CNBD1: variants seen among roughly 807,000 people sequenced by gnomAD.
CNBD1 encodes the protein cyclic nucleotide binding domain containing 1.
A neutral mutation model predicts 54.4 loss-of-function variants in CNBD1; 71 were observed. The ratio of observed to expected loss-of-function variants is 1.30; its 90% confidence interval spans 1.08 to 1.59. The LOEUF (loss-of-function observed/expected upper bound fraction) is 1.59. CNBD1 is among the 40% of genes most tolerant of loss of function. The pLI, the probability that CNBD1 is intolerant of heterozygous loss-of-function variation, is 0.00. For synonymous variants in CNBD1, 182 were observed against 170.7 expected, an observed-to-expected ratio of 1.07 and a Z score of -0.51; for missense variants, 659 against 518.0, an observed-to-expected ratio of 1.27 and a Z score of -2.64.
chr8:87,232,812 A>C (rs879658081), intron 5 of CNBD1, among the ~76,000 whole-genome samples: 1 of 152,116 alleles, frequency 6.6e-6, no homozygotes, highest in Admixed American at 6.6e-5. Flanking sequence ...AATAATCTGA[A>C]CTATGATGAA....
chr8:87,364,949 A>G (rs1400618721), intron 10 of CNBD1, among the ~76,000 whole-genome samples: 2 of 152,098 alleles, frequency 1.3e-5, no homozygotes, highest in Non-Finnish European at 2.9e-5. Context: ...GCTGCAGTGA[A>G]CATCGCTGTG....
At chr8:86,943,475 C>T (rs981161073) in intron 4 of CNBD1, among the ~76,000 whole-genome samples, 1 of 150,474 alleles carries the variant, frequency 6.6e-6, no homozygotes, top group Non-Finnish European at 1.5e-5. Flanking sequence ...TTAATTACAT[C>T]TTAACTTCCA....
chr8:86,892,496 A>T (rs1037003407), intron 2 of CNBD1, among the ~76,000 whole-genome samples: 1 of 152,164 alleles, frequency 6.6e-6, no homozygotes, highest in Non-Finnish European at 1.5e-5. Flanking sequence ...TTAAAACAAA[A>T]GAACTAACTG....
At chr8:87,034,976 GT>G (rs1485303077) in intron 4 of CNBD1, among the ~76,000 whole-genome samples, 2 of 151,908 alleles carry the variant, frequency 1.3e-5, no homozygotes, top group South Asian at 2.1e-4. Context: ...GGATTTTTTA[GT>G]TTTTTTGACA....
chr8:87,382,597 G>A (rs1209322640), intron 10 of CNBD1, 23 bp from the exon 11 acceptor site: 1 of 1,521,432 alleles, frequency 6.6e-7, no homozygotes. Flanking sequence ...GTAACTTCTT[G>A]TTTGTTTGTT....
At chr8:87,053,557 C>G (rs535190306) in intron 4 of CNBD1, among the ~76,000 whole-genome samples, 1 of 152,212 alleles carries the variant, frequency 6.6e-6, no homozygotes, top group African/African-American at 2.4e-5. Flanking sequence ...CCCCTTCTCT[C>G]TTTGGTTGTC....
intron 4 of CNBD1, among the ~76,000 whole-genome samples, chr8:87,094,934 G>A (rs1193860730): frequency 6.6e-6 from 1 of 152,192 alleles, no homozygotes; most frequent in African/African-American, 2.4e-5. Context: ...AGCTATTTTG[G>A]AGGCTGAGGC....
rs1357934060 is a variant in CNBD1 at position 87,428,614 on chromosome 8, G to A, written c.281+1G>A. 7 of 454,166 alleles carry A rather than the reference G, an allele frequency of 1.5e-5. No homozygotes were observed. Among genetic ancestry groups the A allele is most frequent in the Non-Finnish European group, 2.7e-5 (6 of 226,126 alleles). The allele number at this position is 454,166 out of a possible 1,614,324, so 28.1% of individuals were successfully genotyped here. On this transcript the variant is annotated splice_donor_variant, in intron 3 of 7. Coordinates refer to the CNBD1 transcript ENST00000521593. LOFTEE classifies it high-confidence loss of function. ...ACCAACTTTTGGCCATCTGACAGAT[G>A]TAAGTAAAATGTTCAAGTTATAATA...
rs1016100151 is a variant in CNBD1 at position 87,326,276 on chromosome 8, T to C, written c.1043-25409T>C. On this transcript the variant is annotated intron_variant, in intron 8 of 10. Coordinates refer to ENST00000518476, the MANE Select transcript of CNBD1 (RefSeq NM_173538.3). Reference sequence around the variant, plus strand: ...TCAACTTTGGTGAATCTGACAATGATGTGTCTTGGAGTTGCACTTCTCGAG... The same window carrying C: ...TCAACTTTGGTGAATCTGACAATGACGTGTCTTGGAGTTGCACTTCTCGAG... 1.5e-4 allele frequency among the ~76,000 whole-genome samples: 19 copies of C among 123,022 alleles called. 5 individuals carry two copies. Among genetic ancestry groups the C allele is most frequent in the Non-Finnish European group, 2.9e-4 (16 of 55,040 alleles). The allele number at this position is 123,022 out of a possible 152,430, so 80.7% of individuals were successfully genotyped here. A position where few individuals can be genotyped will look rare whatever the true frequency, so the allele number is the denominator to read the frequency against.
At chr8:87,378,505 T>G (rs1485077212) in intron 10 of CNBD1, among the ~76,000 whole-genome samples, 1 of 151,124 alleles carries the variant, frequency 6.6e-6, no homozygotes, top group Non-Finnish European at 1.5e-5. Context: ...TCTGTTCCAT[T>G]GATCTATATC....
chr8:87,121,063 G>T (rs1811879659), intron 4 of CNBD1, among the ~76,000 whole-genome samples: 1 of 151,722 alleles, frequency 6.6e-6, no homozygotes, highest in African/African-American at 2.4e-5. Context: ...ATTAAATTCA[G>T]TTTGATTAAT....
At chr8:86,969,579 G>A (rs962624141) in intron 4 of CNBD1, among the ~76,000 whole-genome samples, 9 of 151,926 alleles carry the variant, frequency 5.9e-5, no homozygotes, top group Non-Finnish European at 1.0e-4. Flanking sequence ...AATAAACTGA[G>A]AATGGACAGA....
chr8:87,405,020 TA>T (rs1286788295), intron 2 of CNBD1, among the ~76,000 whole-genome samples: 3 of 152,034 alleles, frequency 2.0e-5, no homozygotes, highest in African/African-American at 7.2e-5. Context: ...TTTTGAGTCA[TA>T]AAACTGCTAT....
intron 4 of CNBD1, among the ~76,000 whole-genome samples, chr8:87,064,025 A>G (rs989017884): frequency 6.6e-6 from 1 of 151,992 alleles, no homozygotes; most frequent in Non-Finnish European, 1.5e-5. Flanking sequence ...TCTTATATAC[A>G]ATCATATTAT....
intron 2 of CNBD1, among the ~76,000 whole-genome samples, chr8:87,397,028 G>A (rs925009612): frequency 6.7e-6 from 1 of 150,082 alleles, no homozygotes; most frequent in Admixed American, 6.6e-5. Flanking sequence ...TTTAACCTTT[G>A]GTTTTAGAGG....
At chr8:86,927,747 G>A (rs2131831490) in intron 3 of CNBD1, among the ~76,000 whole-genome samples, 1 of 152,282 alleles carries the variant, frequency 6.6e-6, no homozygotes, top group Non-Finnish European at 1.5e-5. Context: ...AAGGAGAGGT[G>A]TTAAAGATTA....
Position 87,206,085 on chromosome 8 carries a change from T to G in CNBD1, c.524T>G (p.Leu175Arg), listed in dbSNP as rs1428363097. 6.2e-7 allele frequency: 1 copy of G among 1,606,264 alleles called. No homozygotes were observed. ...ACCTTTCAGCTAAATGATAAGCATC[T>G]GAAAACACTTAGTAAGACTGTCTTT... is the stretch of plus-strand genomic sequence containing the variant. The part of the protein sequence containing the change: ...DLTFQLNDKH[L>R]KTLSKTVFSE... The change falls in exon 5 of 11, where the codon CTG (leucine) becomes CGG (arginine). Residue 175 changes from leucine (L) to arginine (R), a missense_variant. Leu to Arg is a moderately radical substitution (Grantham distance 102). Transcript: ENST00000518476.
chr8:87,318,354 A>G (rs955738820), intron 8 of CNBD1, among the ~76,000 whole-genome samples: 2 of 152,104 alleles, frequency 1.3e-5, no homozygotes, highest in Admixed American at 6.6e-5. Flanking sequence ...ACTGTTAAGT[A>G]CTCAGCAACA....
intron 8 of CNBD1, among the ~76,000 whole-genome samples, chr8:87,302,815 A>T (rs2130883751): frequency 1.3e-5 from 2 of 152,140 alleles, no homozygotes; most frequent in East Asian, 3.9e-4. Context: ...AATGTGCAAA[A>T]ATCACAAGCA....
Sources: gnomAD v4.1 joint callset for allele counts (sites outside exome capture counted in the v4.1 genomes callset) on GRCh38, gnomAD v4.1.1 for gene constraint, MANE v1.5 for transcripts, NCBI Gene and HGNC (gene_info 2026-07-23, HGNC 2026-07-21) for gene names.